SLC24A2: variants seen among roughly 807,000 people sequenced by gnomAD.
SLC24A2 encodes the protein solute carrier family 24 member 2, also known as sodium/potassium/calcium exchanger 2.
Under a neutral mutation model 62.0 loss-of-function variants are expected in SLC24A2, and 36 were observed. That is an observed-to-expected ratio of 0.58 (90% confidence interval 0.44 to 0.77). SLC24A2 has a LOEUF of 0.77. Among genes scored for constraint, SLC24A2 ranks in the 30% least tolerant of loss-of-function variants. The pLI, the probability that SLC24A2 is intolerant of heterozygous loss-of-function variation, is 0.00. For missense variants in SLC24A2, 846 were observed against 817.9 expected (o/e 1.03, Z -0.42); for synonymous variants, 358 against 294.0 (o/e 1.22, Z -2.23).
intron 6 of SLC24A2, among the ~76,000 whole-genome samples, chr9:19,574,756 C>T (rs890332785): frequency 1.4e-4 from 21 of 151,900 alleles, no homozygotes; most frequent in African/African-American, 5.1e-4. Context: ...GATCAATGTT[C>T]CAGCACCACT....
At chr9:19,560,596 TG>T (rs1338801754) in intron 7 of SLC24A2, among the ~76,000 whole-genome samples, 2 of 152,170 alleles carry the variant, frequency 1.3e-5, no homozygotes, top group African/African-American at 4.8e-5. Flanking sequence ...GCCAGAACCT[TG>T]ATCTTGGACT....
At chr9:19,723,588 G>A (rs1003845151) in intron 2 of SLC24A2, among the ~76,000 whole-genome samples, 4 of 151,936 alleles carry the variant, frequency 2.6e-5, no homozygotes, top group Non-Finnish European at 4.4e-5. Context: ...CTTTAGGATC[G>A]AGTATAACAC....
the SLC24A2 span, among the ~76,000 whole-genome samples, chr9:19,945,717 G>A: frequency 6.6e-6 from 1 of 152,176 alleles, no homozygotes; most frequent in African/African-American, 2.4e-5. Context: ...CACAGCAAGA[G>A]GCAGAGCCAA....
the SLC24A2 span, among the ~76,000 whole-genome samples, chr9:20,263,916 G>T: frequency 7.8e-6 from 1 of 128,644 alleles, no homozygotes; most frequent in African/African-American, 3.0e-5. Flanking sequence ...TGAACATCAT[G>T]TCTGGCTGGG....
chr9:19,707,310 C>T (rs1445815743), intron 2 of SLC24A2, among the ~76,000 whole-genome samples: 7 of 152,156 alleles, frequency 4.6e-5, no homozygotes, highest in South Asian at 2.1e-4. Context: ...GATTCACAGC[C>T]GAATTCTACC....
intron 7 of SLC24A2, 43 bp downstream of exon 7, chr9:19,573,308 G>A (rs2148952): frequency 0.11 from 142,827 of 1,331,408 alleles, 10,330 homozygotes; most frequent in African/African-American, 0.34. Context: ...TAGGATATCA[G>A]TTAAGAACAA....
chr9:19,998,962 C>T, the SLC24A2 span, among the ~76,000 whole-genome samples: 1 of 152,196 alleles, frequency 6.6e-6, no homozygotes, highest in African/African-American at 2.4e-5. Flanking sequence ...AATAAGCTAG[C>T]TGGGGCTGCA....
chr9:19,837,822 C>T, the SLC24A2 span, among the ~76,000 whole-genome samples: 1 of 151,866 alleles, frequency 6.6e-6, no homozygotes, highest in Non-Finnish European at 1.5e-5. Flanking sequence ...TTCACAATTG[C>T]TTCAAAGAGA....
At chr9:19,987,196 A>G in the SLC24A2 span, among the ~76,000 whole-genome samples, 2 of 152,224 alleles carry the variant, frequency 1.3e-5, no homozygotes, top group Non-Finnish European at 2.9e-5. Flanking sequence ...TAGTTGGGTC[A>G]TGAGGGTTGG....
intron 9 of SLC24A2, among the ~76,000 whole-genome samples, chr9:19,522,319 T>G (rs1458389981): frequency 6.6e-6 from 1 of 152,192 alleles, no homozygotes; most frequent in Non-Finnish European, 1.5e-5. Flanking sequence ...TTAAAACCTA[T>G]TCATGTTTTG....
chr9:20,092,870 TAGA>T, the SLC24A2 span, among the ~76,000 whole-genome samples: 1 of 152,242 alleles, frequency 6.6e-6, no homozygotes, highest in South Asian at 2.1e-4. Context: ...GCTGAACTCA[TAGA>T]AGAAGAAAGT....
rs558236189 is a variant in SLC24A2, at chr9:19,590,357, T to C, written c.1129+6872A>G. Among the ~76,000 whole-genome samples, 240 of 152,262 alleles carry C rather than the reference T, an allele frequency of 1.6e-3. 1 individual carries two copies. Among genetic ancestry groups the C allele is most frequent in the Non-Finnish European group, 1.9e-3 (128 of 68,022 alleles). The stretch of plus-strand genomic sequence containing the variant: ...TCCTAGATCCTTCACCTTTTTTTTC[T>C]GAAAATTCTCTTTGTCTTCTTGCTC... On this transcript the variant is annotated intron_variant, in intron 5 of 10. Coordinates refer to ENST00000341998, the MANE Select transcript of SLC24A2 (RefSeq NM_020344.4).
At chr9:20,138,444 T>G in the SLC24A2 span, among the ~76,000 whole-genome samples, 2 of 152,196 alleles carry the variant, frequency 1.3e-5, no homozygotes, top group African/African-American at 4.8e-5. Context: ...AAATCAAATT[T>G]CAATACAGGT....
chr9:20,023,235 TGGTGTTAC>T, the SLC24A2 span, among the ~76,000 whole-genome samples: 1 of 152,222 alleles, frequency 6.6e-6, no homozygotes, highest in Admixed American at 6.5e-5. Context: ...TCATTTGACC[TGGTGTTAC>T]AGTGTTACAA....
intron 4 of SLC24A2, among the ~76,000 whole-genome samples, chr9:19,614,615 T>C (rs577005281): frequency 3.3e-4 from 50 of 152,306 alleles, no homozygotes; most frequent in Non-Finnish European, 6.6e-4. Context: ...GCCTGACTGA[T>C]TGAATGCAGT....
At chr9:20,248,832 C>T in the SLC24A2 span, among the ~76,000 whole-genome samples, 1 of 152,196 alleles carries the variant, frequency 6.6e-6, no homozygotes, top group South Asian at 2.1e-4. Flanking sequence ...CCGGGGCACC[C>T]ACATGGCAGA....
chr9:19,560,818 C>G (rs548466072), intron 7 of SLC24A2, among the ~76,000 whole-genome samples: 1 of 151,544 alleles, frequency 6.6e-6, no homozygotes, highest in South Asian at 2.1e-4. Flanking sequence ...TCCACTCATT[C>G]TTTATTGAGC....
At chr9:20,264,948 TC>T in the SLC24A2 span, among the ~76,000 whole-genome samples, 1 of 152,176 alleles carries the variant, frequency 6.6e-6, no homozygotes, top group African/African-American at 2.4e-5. Context: ...CCTAAGCCAC[TC>T]CGGCAATGAG....
chr9:19,978,465 G>A, the SLC24A2 span, among the ~76,000 whole-genome samples: 1 of 151,860 alleles, frequency 6.6e-6, no homozygotes, highest in Non-Finnish European at 1.5e-5. Flanking sequence ...TGTGAACCTA[G>A]TATAACTTCT....
Sources: allele counts gnomAD v4.1 joint callset (sites outside exome capture counted in the v4.1 genomes callset), GRCh38; gene constraint gnomAD v4.1.1; transcripts MANE v1.5; gene names NCBI Gene and HGNC (gene_info 2026-07-23, HGNC 2026-07-21).